Variants in AOAH observed in about 807,000 individuals in gnomAD.
AOAH encodes acyloxyacyl hydrolase (neutrophil).
A neutral mutation model predicts 92.2 loss-of-function variants in AOAH; 64 were observed. The ratio of observed to expected loss-of-function variants is 0.69; its 90% CI spans 0.57 to 0.86. The LOEUF (loss-of-function observed/expected upper bound fraction) is 0.86. Among genes scored for constraint, AOAH ranks in the 40% least tolerant of loss-of-function variants. The pLI, the probability that AOAH is intolerant of heterozygous loss-of-function variation, is 0.00. For synonymous variants in AOAH, 263 were observed against 254.5 expected, an observed-to-expected ratio of 1.03 and a Z score of -0.32; for missense variants, 656 against 694.6, an observed-to-expected ratio of 0.94 and a Z score of 0.62.
At chr7:36,584,627 T>A (rs1406736848) in intron 12 of AOAH, among the ~76,000 whole-genome samples, 2 of 152,240 alleles carry the variant, frequency 1.3e-5, no homozygotes, top group Non-Finnish European at 2.9e-5. Context: ...GATTTAATAT[T>A]TTAATTAATT....
chr7:36,654,860 C>T (rs1166837750), intron 4 of AOAH, among the ~76,000 whole-genome samples: 1 of 152,174 alleles, frequency 6.6e-6, no homozygotes, highest in African/African-American at 2.4e-5. Flanking sequence ...CTAGATAAAT[C>T]CTCTTGTATT....
rs1783747180 is a variant in AOAH, at chr7:36,516,826, A to C, written c.1600-3446T>G. Among the ~76,000 whole-genome samples, 1 of 152,236 alleles carries C rather than the reference A, an allele frequency of 6.6e-6. No homozygotes were observed. Among genetic ancestry groups the C allele is most frequent in the Non-Finnish European group, 1.5e-5 (1 of 68,034 alleles). ...TGTTAATAAGGGAGGAGACAGGGTGAGGGCAAGAAGAGGGAAACGAAAATG... is the reference window on the plus strand; with the variant it reads ...TGTTAATAAGGGAGGAGACAGGGTGCGGGCAAGAAGAGGGAAACGAAAATG... On this transcript the variant is annotated intron_variant, in intron 20 of 20. Transcript: ENST00000617537. The surrounding 1 kb of genome is among the most constrained non-coding windows in gnomAD (Gnocchi z 5.0).
intron 11 of AOAH, among the ~76,000 whole-genome samples, chr7:36,594,913 G>C (rs370404318): frequency 6.6e-6 from 1 of 152,092 alleles, no homozygotes; most frequent in Non-Finnish European, 1.5e-5. Context: ...AGACATTTTT[G>C]AGAATCTAAT....
intron 15 of AOAH, 132 bp from the exon 16 acceptor site, chr7:36,540,623 A>G: frequency 1.2e-6 from 1 of 805,446 alleles, no homozygotes; most frequent in African/African-American, 1.7e-5. Flanking sequence ...CATTGGAGCT[A>G]TTTGCAAAAT....
rs182491266 is a variant in AOAH, at chr7:36,659,277, C to A, written c.291-12G>T. The stretch of plus-strand genomic sequence containing the variant: ...TATCTGCGCTAAGCCTGGAGGGAAA[C>A]GGTGCAAAACAAAGGCTATTCAGAT... On this transcript the variant is annotated splice_polypyrimidine_tract_variant and intron_variant, in intron 3 of 20. Transcript: ENST00000617537. The A allele has an allele frequency of 3.7e-6, 6 of 1,605,258 alleles. No homozygotes were observed. In the East Asian group the frequency reaches 8.9e-5, roughly 24 times the overall value.
At chr7:36,630,293 G>A (rs576195852) in intron 6 of AOAH, among the ~76,000 whole-genome samples, 1 of 152,360 alleles carries the variant, frequency 6.6e-6, no homozygotes, top group South Asian at 2.1e-4. Context: ...CTCAGTCCAG[G>A]TGTGCAGCCT....
intron 18 of AOAH, among the ~76,000 whole-genome samples, chr7:36,531,695 G>A (rs1390226063): frequency 7.2e-5 from 11 of 152,194 alleles, no homozygotes; most frequent in African/African-American, 2.7e-4. Flanking sequence ...TGAAAGAAGT[G>A]TAAACCATGT....
At chr7:36,571,350 TCTC>T (rs1788136798) in intron 13 of AOAH, among the ~76,000 whole-genome samples, 1 of 152,084 alleles carries the variant, frequency 6.6e-6, no homozygotes, top group Non-Finnish European at 1.5e-5. Context: ...CTCATCTGCT[TCTC>T]CTCTACCTTA....
chr7:36,580,278 C>A (rs774989811), intron 12 of AOAH, among the ~76,000 whole-genome samples: 12 of 152,072 alleles, frequency 7.9e-5, no homozygotes, highest in Non-Finnish European at 1.3e-4. Context: ...ATGTCATGGA[C>A]CTTTTTCTCC....
At chr7:36,669,207 T>C (rs188863043) in intron 3 of AOAH, among the ~76,000 whole-genome samples, 109 of 152,312 alleles carry the variant, frequency 7.2e-4, no homozygotes, top group African/African-American at 2.6e-3. Context: ...AGGTTTTATA[T>C]ACAAATTGTA....
chr7:36,606,470 G>C (rs1476145770), intron 11 of AOAH, among the ~76,000 whole-genome samples: 2 of 152,164 alleles, frequency 1.3e-5, no homozygotes, highest in Non-Finnish European at 2.9e-5. Context: ...CAGCCTGCCA[G>C]GGGTCGTGCA....
At chr7:36,620,923 GCT>G in intron 8 of AOAH, 94 bp from the exon 9 acceptor site, 2 of 1,133,638 alleles carry the variant, frequency 1.8e-6, no homozygotes, top group Non-Finnish European at 2.6e-6. Flanking sequence ...ATGAATGAAT[GCT>G]ACACGAAGTG....
chr7:36,548,558 G>T, intron 15 of AOAH, 54 bp downstream of exon 15: 1 of 1,453,564 alleles, frequency 6.9e-7, no homozygotes, highest in South Asian at 1.1e-5. Flanking sequence ...AGGAGAGGGT[G>T]GGGAAGAGCC....
intron 11 of AOAH, among the ~76,000 whole-genome samples, chr7:36,602,555 A>T (rs1270103228): frequency 1.3e-5 from 2 of 151,842 alleles, no homozygotes; most frequent in Non-Finnish European, 2.9e-5. Flanking sequence ...CCACAAATCA[A>T]TTCTTTTCTA....
intron 1 of AOAH, among the ~76,000 whole-genome samples, chr7:36,696,763 G>A (rs1797738236): frequency 6.6e-6 from 1 of 152,050 alleles, no homozygotes; most frequent in African/African-American, 2.4e-5. Context: ...GGGAGGCTGA[G>A]GCAGGAGAAT....
chr7:36,569,843 C>A (rs995893853), intron 13 of AOAH, among the ~76,000 whole-genome samples: 1 of 152,044 alleles, frequency 6.6e-6, no homozygotes, highest in African/African-American at 2.4e-5. Flanking sequence ...AAACTCCTGA[C>A]CTCAAGTAAT....
intron 8 of AOAH, 33 bp from the exon 9 acceptor site, chr7:36,620,862 A>G (rs761129854): frequency 3.7e-6 from 6 of 1,603,520 alleles, no homozygotes; most frequent in Admixed American, 1.7e-5. Context: ...GGTCTTTGAC[A>G]TATGCTTGTC....
In AOAH at chr7:36,522,209, C is replaced by T. The variant is rs1166039008; in HGVS notation, c.1523-94G>A. 1.2e-5 allele frequency: 14 copies of T among 1,187,926 alleles called. No homozygotes were observed. The East Asian group carries it at 1.2e-4, about 10-fold the overall frequency. The allele number at this position is 1,187,926 out of a possible 1,614,324, so 73.6% of individuals were successfully genotyped here. ...GACGTGAGAACTGCCCATGCCCTCC[C>T]GGGCCCATGTTGACCAAGCCACGGC... is the stretch of plus-strand genomic sequence containing the variant. On this transcript the variant is annotated intron_variant, in intron 19 of 20. Coordinates refer to ENST00000617537, the MANE Select transcript of AOAH (RefSeq NM_001637.4).
chr7:36,598,548 A>G (rs993697042), intron 11 of AOAH, among the ~76,000 whole-genome samples: 2 of 152,240 alleles, frequency 1.3e-5, no homozygotes, highest in Admixed American at 6.5e-5. Flanking sequence ...AAGCAGGTTG[A>G]CAAGTCAGAG....
Sources: allele counts gnomAD v4.1 joint callset (sites outside exome capture counted in the v4.1 genomes callset), GRCh38; gene constraint gnomAD v4.1.1; non-coding constraint Gnocchi (gnomAD v3.1); transcripts MANE v1.5; gene names NCBI Gene and HGNC (gene_info 2026-07-23, HGNC 2026-07-21).